PPP2R2C: variants seen among roughly 807,000 people sequenced by gnomAD.
PPP2R2C encodes the protein protein phosphatase 2, regulatory subunit B, gamma.
In PPP2R2C, 10 loss-of-function variants were observed where a neutral mutation model predicts 45.3. The observed-to-expected ratio is 0.22, with a 90% CI of 0.14 to 0.37. The LOEUF (loss-of-function observed/expected upper bound fraction) is 0.37, where lower values mean the gene tolerates loss of function less well. Among genes scored for constraint, PPP2R2C ranks in the 10% least tolerant of loss-of-function variants. The pLI, the probability that PPP2R2C is intolerant of heterozygous loss-of-function variation, is 1.00. For synonymous variants in PPP2R2C, 257 were observed against 245.4 expected (o/e 1.05, Z -0.44); for missense variants, 308 against 619.7 (o/e 0.50, Z 5.34).
At chr4:6,409,444 T>C (rs892131316) in intron 1 of PPP2R2C, among the ~76,000 whole-genome samples, 2 of 152,144 alleles carry the variant, frequency 1.3e-5, no homozygotes, top group Non-Finnish European at 2.9e-5. Context: ...CCCACCAGCA[T>C]GGAGCGGAGG....
Position 6,329,679 on chromosome 4 carries a change from C to T in PPP2R2C, c.961-326G>A, listed in dbSNP as rs774024249. The stretch of plus-strand genomic sequence containing the variant: ...CCCAATACAGCCCTGCTCATCTTAT[C>T]GGGGGCCCACGACCAGGCACACGGC... On this transcript the variant is annotated intron_variant, in intron 7 of 8. Transcript: ENST00000382599. This position sits in a 1 kb window ranked among gnomAD's most constrained non-coding sequence, Gnocchi z 5.8. 8.7e-5 allele frequency among the ~76,000 whole-genome samples: 13 copies of T among 150,180 alleles called. No individual in the cohort carries two copies. Among genetic ancestry groups the T allele is most frequent in the East Asian group, 2.0e-4 (1 of 5,106 alleles).
At chr4:6,518,224 C>G (rs1469164678) in intron 2 of PPP2R2C, among the ~76,000 whole-genome samples, 1 of 152,100 alleles carries the variant, frequency 6.6e-6, no homozygotes, top group Non-Finnish European at 1.5e-5. Flanking sequence ...AATCAAGCAC[C>G]TAAGCTTCCA....
chr4:6,417,736 G>A (rs867962724), intron 1 of PPP2R2C, among the ~76,000 whole-genome samples: 4 of 152,322 alleles, frequency 2.6e-5, no homozygotes, highest in Middle Eastern at 3.4e-3. Flanking sequence ...CTCAGAACCC[G>A]CACTGAGCCA....
chr4:6,509,742 C>G (rs1022725603), intron 2 of PPP2R2C, among the ~76,000 whole-genome samples: 17 of 152,228 alleles, frequency 1.1e-4, no homozygotes, highest in Non-Finnish European at 2.9e-5. Flanking sequence ...GTGAGTCACG[C>G]TCCATACCTT....
intron 1 of PPP2R2C, among the ~76,000 whole-genome samples, chr4:6,417,646 G>T (rs1391255726): frequency 1.3e-5 from 2 of 152,206 alleles, no homozygotes; most frequent in Non-Finnish European, 2.9e-5. Flanking sequence ...GGCTTTCGGG[G>T]GCCCCCGGGG....
chr4:6,538,238 TC>T (rs1724694888), intron 1 of PPP2R2C, among the ~76,000 whole-genome samples: 1 of 152,018 alleles, frequency 6.6e-6, no homozygotes, highest in Non-Finnish European at 1.5e-5. Flanking sequence ...TTGTCTCAGG[TC>T]CCACAGCTGG....
chr4:6,371,734 C>T (rs535205167), intron 5 of PPP2R2C, among the ~76,000 whole-genome samples: 1 of 152,320 alleles, frequency 6.6e-6, no homozygotes, highest in East Asian at 1.9e-4. Context: ...GTACCTACCT[C>T]ATAGGGTTGT....
rs139396297 is a variant in PPP2R2C, at chr4:6,383,233, GAACCCCCCC to G, written c.71-2148_71-2140del. 7,061 of 1,207,030 alleles carry G rather than the reference GAACCCCCCC, an allele frequency of 5.8e-3. 326 individuals are homozygous for G. In the African/African-American group the frequency reaches 0.098, roughly 17 times the overall value. The allele number at this position is 1,207,030 out of a possible 1,614,324, so 74.8% of individuals were successfully genotyped here. ...GGGAGGAGGAAGAGTGGGTGCAGAA[GAACCCCCCC>G]AACCCCCGGCCAAGCCCAGCCTCCA... On this transcript the variant is annotated intron_variant, in intron 1 of 8. Transcript: ENST00000382599.
intron 1 of PPP2R2C, among the ~76,000 whole-genome samples, chr4:6,425,443 T>C (rs1350933641): frequency 6.6e-6 from 1 of 152,190 alleles, no homozygotes; most frequent in African/African-American, 2.4e-5. Context: ...TCATGAGTCA[T>C]GTGAGGATCC....
chr4:6,512,808 G>A (rs913905330), intron 2 of PPP2R2C, among the ~76,000 whole-genome samples: 2 of 151,882 alleles, frequency 1.3e-5, no homozygotes, highest in African/African-American at 4.8e-5. Flanking sequence ...TGTCCAGGGT[G>A]GCACTTGACA....
At chr4:6,327,125 A>G (rs867600080) in intron 8 of PPP2R2C, among the ~76,000 whole-genome samples, 3 of 152,286 alleles carry the variant, frequency 2.0e-5, no homozygotes, top group Middle Eastern at 3.4e-3. Flanking sequence ...CCTTCTAGAA[A>G]CACCCACAGC....
intron 5 of PPP2R2C, among the ~76,000 whole-genome samples, chr4:6,353,404 C>A (rs185128273): frequency 7.1e-5 from 4 of 56,694 alleles, no homozygotes; most frequent in African/African-American, 2.9e-4. Flanking sequence ...CCCCCCACAC[C>A]GACAGCCCTC....
chr4:6,425,696 C>T (rs1193215818), intron 1 of PPP2R2C, among the ~76,000 whole-genome samples: 2 of 152,200 alleles, frequency 1.3e-5, no homozygotes, highest in African/African-American at 4.8e-5. Context: ...CCCTGCCATC[C>T]CCATCACCAC....
At chr4:6,427,562 C>T (rs1719395475) in intron 1 of PPP2R2C, among the ~76,000 whole-genome samples, 1 of 152,218 alleles carries the variant, frequency 6.6e-6, no homozygotes, top group Non-Finnish European at 1.5e-5. Context: ...CCTACCCCAT[C>T]TTCCTGGCCA....
chr4:6,528,838 A>G (rs1724301985), intron 2 of PPP2R2C, among the ~76,000 whole-genome samples: 1 of 152,064 alleles, frequency 6.6e-6, no homozygotes, highest in Non-Finnish European at 1.5e-5. Flanking sequence ...CCCGCCAGAG[A>G]ACAACCCCCT....
At chr4:6,411,032 G>C (rs1718156285) in intron 1 of PPP2R2C, among the ~76,000 whole-genome samples, 1 of 151,788 alleles carries the variant, frequency 6.6e-6, no homozygotes, top group African/African-American at 2.4e-5. Context: ...CACCACACCT[G>C]GCTAATTTGT....
At chr4:6,436,922 C>T (rs896616741) in intron 1 of PPP2R2C, among the ~76,000 whole-genome samples, 4 of 152,152 alleles carry the variant, frequency 2.6e-5, no homozygotes, top group Non-Finnish European at 4.4e-5. Flanking sequence ...CTTTGACTAA[C>T]TTGGTTCACA....
chr4:6,470,280 G>A (rs1288891829), intron 1 of PPP2R2C, among the ~76,000 whole-genome samples: 1 of 152,212 alleles, frequency 6.6e-6, no homozygotes, highest in Non-Finnish European at 1.5e-5. Context: ...CATGCAGCAG[G>A]TGCTCGGTAA....
At chr4:6,350,014 A>C (rs374158411) in intron 5 of PPP2R2C, 20 of 985,428 alleles carry the variant, frequency 2.0e-5, no homozygotes, top group Middle Eastern at 1.0e-3. Flanking sequence ...GCTCGTGCTC[A>C]AATCTTGCTT....
Sources: gnomAD v4.1 joint callset for allele counts (sites outside exome capture counted in the v4.1 genomes callset) on GRCh38, gnomAD v4.1.1 for gene constraint, Gnocchi (gnomAD v3.1) non-coding constraint, MANE v1.5 for transcripts, NCBI Gene and HGNC (gene_info 2026-07-23, HGNC 2026-07-21) for gene names.